The following ADAMTS20 variants were observed in gnomAD, a reference collection of about 807,000 sequenced individuals.
ADAMTS20 encodes the protein ADAM metallopeptidase with thrombospondin type 1 motif 20.
Under a neutral mutation model 260.1 loss-of-function variants are expected in ADAMTS20, and 225 were observed. The ratio of observed to expected loss-of-function variants is 0.87; its 90% confidence interval spans 0.78 to 0.97. ADAMTS20 has a LOEUF of 0.97. ADAMTS20 is among the 50% of genes least tolerant of loss of function. The pLI is 0.00. For missense variants in ADAMTS20, 2,400 were observed against 2,337.7 expected (o/e 1.03, Z -0.55); for synonymous variants, 802 against 769.5 (o/e 1.04, Z -0.70).
intron 7 of ADAMTS20, among the ~76,000 whole-genome samples, chr12:43,478,157 A>T (rs906799878): frequency 1.3e-5 from 2 of 152,182 alleles, no homozygotes; most frequent in African/African-American, 4.8e-5. Context: ...AATTAAAAAC[A>T]TGCACAAATA....
At chr12:43,387,680 C>T (rs944943096) in intron 29 of ADAMTS20, among the ~76,000 whole-genome samples, 1 of 152,176 alleles carries the variant, frequency 6.6e-6, no homozygotes, top group Non-Finnish European at 1.5e-5. Flanking sequence ...TTCAGAGATA[C>T]CCTACCCAGA....
In ADAMTS20 at chr12:43,383,701, A is replaced by T; in HGVS notation, c.4654T>A (p.Ser1552Thr). The T allele has an allele frequency of 6.2e-7, 1 of 1,613,908 alleles. No homozygotes were observed. The highest frequency in any genetic ancestry group is 2.2e-5 in the East Asian group (1 of 44,888). The change falls in exon 31 of 39, where the codon TCA becomes ACA. Residue 1552 changes from serine (S) to threonine (T), a missense_variant. Physicochemically the swap from Ser to Thr is moderately conservative, Grantham distance 58. Coordinates refer to ENST00000389420, the MANE Select transcript of ADAMTS20 (RefSeq NM_025003.5). Reference sequence around the variant, plus strand: ...TCTGTGCACTCCATTCGTTGATGTGAATCTTTTCTCTCACATGATGTTGAA... The same window carrying T: ...TCTGTGCACTCCATTCGTTGATGTGTATCTTTTCTCTCACATGATGTTGAA... Reference protein sequence around the residue: ...NCSTSCERKDSHQRMECTDNQ... With the variant: ...NCSTSCERKDTHQRMECTDNQ...
Position 43,369,321 on chromosome 12 carries a change from C to T in ADAMTS20, c.5507G>A (p.Gly1836Glu), listed in dbSNP as rs1426998915. Residue 1836 changes from glycine to glutamate, a missense_variant, in exon 37 of 39, where the codon GGA (glycine) becomes GAA (glutamate). Physicochemically the swap from Gly to Glu is moderately conservative, Grantham distance 98. Coordinates refer to ENST00000389420, the MANE Select transcript of ADAMTS20 (RefSeq NM_025003.5). The stretch of plus-strand genomic sequence containing the variant: ...GCATCTGAAAGCACTGTAGCAATCT[C>T]CAGCTGTGGCAAATGGAACTGCATT... ...FGNAVPFATAGDCYSAFRCPQ... is the reference protein window; with the variant it reads ...FGNAVPFATAEDCYSAFRCPQ... 5.8e-6 allele frequency: 9 copies of T among 1,556,256 alleles called. 1 individual carries two copies. In the South Asian group the frequency reaches 6.2e-5, roughly 11 times the overall value.
intron 3 of ADAMTS20, among the ~76,000 whole-genome samples, chr12:43,512,554 T>C (rs1299386773): frequency 6.6e-6 from 1 of 152,122 alleles, no homozygotes; most frequent in Non-Finnish European, 1.5e-5. Flanking sequence ...TTTAGAATTA[T>C]GGCTTGCAGC....
At chr12:43,514,230 G>A (rs1318493179) in intron 3 of ADAMTS20, among the ~76,000 whole-genome samples, 1 of 151,444 alleles carries the variant, frequency 6.6e-6, no homozygotes, top group African/African-American at 2.4e-5. Context: ...GGGATTAAAG[G>A]CATGAGCCCC....
chr12:43,539,456 AT>A (rs764309351), intron 2 of ADAMTS20, among the ~76,000 whole-genome samples: 5 of 152,222 alleles, frequency 3.3e-5, no homozygotes, highest in Non-Finnish European at 5.9e-5. Context: ...ATTATAGTCT[AT>A]AAAATAAAAG....
chr12:43,439,241 A>G (rs894388934), intron 18 of ADAMTS20, among the ~76,000 whole-genome samples: 1 of 152,200 alleles, frequency 6.6e-6, no homozygotes, highest in African/African-American at 2.4e-5. Context: ...TCAACAATAA[A>G]AGAGGAAGCC....
In ADAMTS20 at chr12:43,420,800, C is replaced by CTTTTTTTTTTTTTTTTTTTTTTTTTTTTT. The variant is rs747496684; in HGVS notation, c.4284+4713_4284+4714insAAAAAAAAAAAAAAAAAAAAAAAAAAAAA. ...TCTTCTTCTTCTCCTCCTCCTCCTT[C>CTTTTTTTTTTTTTTTTTTTTTTTTTTTTT]TTTTTTTTTTTTTTTTTTTTTTTTT... is the stretch of plus-strand genomic sequence containing the variant. On this transcript the variant is annotated intron_variant, in intron 28 of 38. Coordinates refer to ENST00000389420, the MANE Select transcript of ADAMTS20 (RefSeq NM_025003.5). Among the ~76,000 whole-genome samples the CTTTTTTTTTTTTTTTTTTTTTTTTTTTTT allele has an allele frequency of 3.6e-4, 20 of 55,514 alleles. 2 individuals are homozygous for CTTTTTTTTTTTTTTTTTTTTTTTTTTTTT. Among genetic ancestry groups the CTTTTTTTTTTTTTTTTTTTTTTTTTTTTT allele is most frequent in the African/African-American group, 7.3e-4 (10 of 13,616 alleles). The allele number at this position is 55,514 out of a possible 152,430, so 36.4% of individuals were successfully genotyped here.
At chr12:43,531,152 T>C (rs1480289681) in intron 3 of ADAMTS20, among the ~76,000 whole-genome samples, 1 of 151,900 alleles carries the variant, frequency 6.6e-6, no homozygotes, top group Non-Finnish European at 1.5e-5. Flanking sequence ...TGAAAATAAA[T>C]GAACTGTTCC....
intron 9 of ADAMTS20, among the ~76,000 whole-genome samples, chr12:43,465,095 A>G (rs1047231221): frequency 1.3e-5 from 2 of 152,162 alleles, no homozygotes; most frequent in Non-Finnish European, 2.9e-5. Flanking sequence ...CCTCAAGTGT[A>G]ATGACTAACT....
chr12:43,500,952 T>C (rs1260650878), intron 4 of ADAMTS20, among the ~76,000 whole-genome samples: 1 of 152,030 alleles, frequency 6.6e-6, no homozygotes, highest in Non-Finnish European at 1.5e-5. Flanking sequence ...GCTAAGTCTT[T>C]TCAACCAAGT....
At chr12:43,481,704 T>C (rs1942444355) in intron 7 of ADAMTS20, among the ~76,000 whole-genome samples, 1 of 152,198 alleles carries the variant, frequency 6.6e-6, no homozygotes, top group Non-Finnish European at 1.5e-5. Flanking sequence ...ACTTTAACAA[T>C]AGAAAATAAA....
chr12:43,497,335 A>G (rs1942691844), intron 4 of ADAMTS20, among the ~76,000 whole-genome samples: 2 of 152,138 alleles, frequency 1.3e-5, no homozygotes, highest in Non-Finnish European at 2.9e-5. Flanking sequence ...TAACTTACCA[A>G]CCATTTTGAA....
rs1393279485 is a variant in ADAMTS20 at position 43,432,239 on chromosome 12, C to T, written c.3096+65G>A. On this transcript the variant is annotated intron_variant, in intron 21 of 38. Coordinates refer to ENST00000389420, the MANE Select transcript of ADAMTS20 (RefSeq NM_025003.5). ...TAAGCACTTTTAAATTTTGTAAAGT[C>T]TTAGATTACAAAGCTTTACTAACAC... 5 of 1,494,762 alleles carry T rather than the reference C, an allele frequency of 3.3e-6. No individual in the cohort carries two copies. In the African/African-American group the frequency reaches 5.6e-5, roughly 17 times the overall value. 92.6% of individuals were successfully genotyped at this position (1,494,762 alleles called of 1,614,324 possible).
At chr12:43,363,438 G>A (rs1939917559) in intron 37 of ADAMTS20, among the ~76,000 whole-genome samples, 1 of 152,066 alleles carries the variant, frequency 6.6e-6, no homozygotes, top group Non-Finnish European at 1.5e-5. Flanking sequence ...AAAATCACTG[G>A]TAAGGCAGAC....
intron 3 of ADAMTS20, among the ~76,000 whole-genome samples, chr12:43,513,048 A>G (rs1226294254): frequency 6.6e-6 from 1 of 152,232 alleles, no homozygotes; most frequent in Non-Finnish European, 1.5e-5. Context: ...TAGAACTGAG[A>G]CAAGATTTGG....
chr12:43,546,623 G>T (rs1234689221), intron 2 of ADAMTS20, among the ~76,000 whole-genome samples: 1 of 152,080 alleles, frequency 6.6e-6, no homozygotes, highest in Non-Finnish European at 1.5e-5. Context: ...ATTATGAGAT[G>T]ATAAATAATA....
intron 36 of ADAMTS20, among the ~76,000 whole-genome samples, chr12:43,372,805 G>A (rs1940135032): frequency 6.6e-6 from 1 of 152,174 alleles, no homozygotes; most frequent in South Asian, 2.1e-4. Flanking sequence ...AAGGAGATAG[G>A]TAAAGATTCA....
At chr12:43,406,897 T>C (rs1451638926) in intron 28 of ADAMTS20, among the ~76,000 whole-genome samples, 2 of 152,064 alleles carry the variant, frequency 1.3e-5, no homozygotes, top group Non-Finnish European at 1.5e-5. Context: ...AAAATATGCA[T>C]ATTAAGACTA....
Sources: allele counts gnomAD v4.1 joint callset (sites outside exome capture counted in the v4.1 genomes callset), GRCh38; gene constraint gnomAD v4.1.1; transcripts MANE v1.5; gene names NCBI Gene and HGNC (gene_info 2026-07-23, HGNC 2026-07-21).